The following AAGAB variants were observed in gnomAD, a reference collection of about 807,000 sequenced individuals.
AAGAB encodes alpha- and gamma-adaptin-binding protein p34.
Under a neutral mutation model 44.1 loss-of-function variants are expected in AAGAB, and 38 were observed. The observed-to-expected ratio is 0.86, with a 90% CI of 0.67 to 1.13. AAGAB has a LOEUF of 1.13. Among genes scored for constraint, AAGAB ranks in the 50% most tolerant of loss-of-function variants. The probability of loss-of-function intolerance (pLI) is 0.00; values close to 1 mark genes in which losing one functional copy is unlikely to be tolerated. For missense variants in AAGAB, 450 were observed against 373.8 expected, an observed-to-expected ratio of 1.20 and a Z score of -1.68; for synonymous variants, 131 against 131.8, an observed-to-expected ratio of 0.99 and a Z score of 0.04.
chr15:67,250,893 G>T (rs1964850368), intron 1 of AAGAB, among the ~76,000 whole-genome samples: 1 of 152,184 alleles, frequency 6.6e-6, no homozygotes, highest in Admixed American at 6.5e-5. Flanking sequence ...CGAGCTTGGT[G>T]GTGGGCGCCT....
intron 1 of AAGAB, among the ~76,000 whole-genome samples, chr15:67,246,217 C>T (rs1964717596): frequency 6.6e-6 from 1 of 151,978 alleles, no homozygotes; most frequent in Non-Finnish European, 1.5e-5. Context: ...CCCTTCTCTA[C>T]AAAAAATACA....
upstream of AAGAB, chr15:67,255,127 G>A: frequency 1.5e-6 from 1 of 649,632 alleles, no homozygotes; most frequent in Non-Finnish European, 2.8e-6. Flanking sequence ...GCACACTCCC[G>A]GTGACTTACC....
intron 1 of AAGAB, among the ~76,000 whole-genome samples, chr15:67,247,570 T>A (rs1964756894): frequency 6.6e-6 from 1 of 152,206 alleles, no homozygotes; most frequent in Non-Finnish European, 1.5e-5. Flanking sequence ...TGGGCTGATG[T>A]GTAATACTTT....
chr15:67,229,164 T>C (rs573595045), intron 5 of AAGAB, among the ~76,000 whole-genome samples: 1 of 152,170 alleles, frequency 6.6e-6, no homozygotes, highest in South Asian at 2.1e-4. Flanking sequence ...CCAGGCGGGG[T>C]GGCTCACGCC....
At chr15:67,222,222 GCACGCGCA>G (rs1415077997) in intron 5 of AAGAB, among the ~76,000 whole-genome samples, 140 of 113,920 alleles carry the variant, frequency 1.2e-3, no homozygotes, top group African/African-American at 4.3e-3. Flanking sequence ...CTACATGCAT[GCACGCGCA>G]CGCGCGCGCG....
At chr15:67,225,008 C>G (rs1388732708) in intron 5 of AAGAB, among the ~76,000 whole-genome samples, 1 of 152,226 alleles carries the variant, frequency 6.6e-6, no homozygotes, top group African/African-American at 2.4e-5. Context: ...CAAGTTAGAA[C>G]TAGAAGACTA....
chr15:67,242,316 G>A (rs1418088056), intron 1 of AAGAB, among the ~76,000 whole-genome samples: 1 of 132,002 alleles, frequency 7.6e-6, no homozygotes, highest in Non-Finnish European at 1.7e-5. Context: ...CCAGCTACTC[G>A]GGAGGCTGAG....
Position 67,222,242 on chromosome 15 carries a change from G to GCGCACACACACACACACA in AAGAB, c.535+9571_535+9572insTGTGTGTGTGTGTGTGCG, listed in dbSNP as rs1367738219. ...TGCATGCACGCGCACGCGCGCGCGCGCACACACACACACACACACACACAC... is the reference window on the plus strand; with the variant it reads ...TGCATGCACGCGCACGCGCGCGCGCGCGCACACACACACACACACACACACACACACACACACACACAC... On this transcript the variant is annotated intron_variant, in intron 5 of 9. Transcript: ENST00000261880. Among the ~76,000 whole-genome samples, 295 of 90,090 alleles carry GCGCACACACACACACACA rather than the reference G, an allele frequency of 3.3e-3. 3 individuals are homozygous for GCGCACACACACACACACA. The highest frequency in any genetic ancestry group is 5.2e-3 in the African/African-American group (138 of 26,648). The allele number at this position is 90,090 out of a possible 152,430, so 59.1% of individuals were successfully genotyped here.
chr15:67,232,249 CAA>C (rs34877999), intron 4 of AAGAB, among the ~76,000 whole-genome samples: 15 of 88,634 alleles, frequency 1.7e-4, no homozygotes, highest in Non-Finnish European at 1.6e-4. Flanking sequence ...AACTCCATCT[CAA>C]AAAAAAAAAA....
chr15:67,251,676 C>T (rs554001109), intron 1 of AAGAB, among the ~76,000 whole-genome samples: 1 of 152,202 alleles, frequency 6.6e-6, no homozygotes, highest in African/African-American at 2.4e-5. Flanking sequence ...AGGTTTCTCT[C>T]GCTGATACAT....
chr15:67,240,246 T>C (rs1303083816), intron 1 of AAGAB, among the ~76,000 whole-genome samples: 1 of 152,226 alleles, frequency 6.6e-6, no homozygotes, highest in African/African-American at 2.4e-5. Flanking sequence ...TGAGTCACAG[T>C]GATCTTGAGG....
intron 5 of AAGAB, among the ~76,000 whole-genome samples, chr15:67,226,305 G>A (rs946238195): frequency 5.3e-5 from 8 of 151,896 alleles, no homozygotes; most frequent in African/African-American, 1.9e-4. Flanking sequence ...TTTTTTTGTA[G>A]AGACAGAGTT....
chr15:67,215,421 C>T (rs955144503), intron 5 of AAGAB, among the ~76,000 whole-genome samples: 6 of 152,128 alleles, frequency 3.9e-5, no homozygotes, highest in African/African-American at 1.4e-4. Context: ...ATGACCACAC[C>T]CCCCAACACG....
intron 7 of AAGAB, among the ~76,000 whole-genome samples, chr15:67,207,384 A>G (rs1288498832): frequency 6.6e-6 from 1 of 152,232 alleles, no homozygotes; most frequent in Non-Finnish European, 1.5e-5. Flanking sequence ...AACTGTAAGT[A>G]TATTTTTAAA....
At chr15:67,242,425 G>T in intron 1 of AAGAB, among the ~76,000 whole-genome samples, 1 of 53,360 alleles carries the variant, frequency 1.9e-5, no homozygotes, top group Non-Finnish European at 3.7e-5. Context: ...GCGAGACTCC[G>T]TCTCAAAAAA....
At chr15:67,245,171 G>A (rs1467610414) in intron 1 of AAGAB, among the ~76,000 whole-genome samples, 1 of 152,080 alleles carries the variant, frequency 6.6e-6, no homozygotes, top group Non-Finnish European at 1.5e-5. Flanking sequence ...CCACCCAAGA[G>A]AAATGAAAAC....
At chr15:67,224,570 TTTTC>T (rs1964157769) in intron 5 of AAGAB, among the ~76,000 whole-genome samples, 1 of 151,878 alleles carries the variant, frequency 6.6e-6, no homozygotes, top group African/African-American at 2.4e-5. Flanking sequence ...GAAAAGTCAC[TTTTC>T]TTTTTCTTTT....
chr15:67,254,283 C>G (rs1459956523), intron 1 of AAGAB: 54 of 733,110 alleles, frequency 7.4e-5, no homozygotes, highest in Non-Finnish European at 9.1e-5. Flanking sequence ...CTCAACGGAT[C>G]CTCGCAAAAA....
At chr15:67,230,957 G>C (rs989855321) in intron 5 of AAGAB, among the ~76,000 whole-genome samples, 2 of 152,084 alleles carry the variant, frequency 1.3e-5, no homozygotes, top group South Asian at 2.1e-4. Context: ...ACAGGAAAAA[G>C]CCAAAACTCT....
Sources: allele counts gnomAD v4.1 joint callset (sites outside exome capture counted in the v4.1 genomes callset), GRCh38; gene constraint gnomAD v4.1.1; transcripts MANE v1.5; gene names NCBI Gene and HGNC (gene_info 2026-07-23, HGNC 2026-07-21).